Variants in NSD3 observed in about 807,000 individuals in gnomAD.
NSD3 encodes histone-lysine N-methyltransferase NSD3.
In NSD3, 24 loss-of-function variants were observed where a neutral mutation model predicts 160.8. The ratio of observed to expected loss-of-function variants is 0.15; its 90% confidence interval spans 0.11 to 0.21. The LOEUF is 0.21. Among genes scored for constraint, NSD3 ranks in the 10% least tolerant of loss-of-function variants. The pLI, the probability that NSD3 is intolerant of heterozygous loss-of-function variation, is 1.00. For missense variants in NSD3, 1,157 were observed against 1,735.9 expected (o/e 0.67, Z 5.93); for synonymous variants, 520 against 600.0 (o/e 0.87, Z 1.95).
chr8:38,293,813 C>A (rs1309365346), intron 16 of NSD3, among the ~76,000 whole-genome samples: 1 of 146,548 alleles, frequency 6.8e-6, no homozygotes, highest in Non-Finnish European at 1.5e-5. Context: ...ATCCCAGCTA[C>A]TTGGGAGGCT....
At chr8:38,323,293 T>TG (rs1163969100) in intron 7 of NSD3, among the ~76,000 whole-genome samples, 2 of 152,038 alleles carry the variant, frequency 1.3e-5, no homozygotes, top group Non-Finnish European at 2.9e-5. Context: ...CCTGACCTTG[T>TG]GATCCGCCTG....
rs1809694517 is a variant in NSD3, at chr8:38,317,526, GCTGTCATGCTGT to G, written c.1855+1357_1855+1368del. ...GAAAAATGACAGACTGCCAAAGACA[GCTGTCATGCTGT>G]TCTCCATGATAACGGCACTAATATT... On this transcript the variant is annotated intron_variant, in intron 9 of 23. Coordinates refer to ENST00000317025, the MANE Select transcript of NSD3 (RefSeq NM_023034.2). The surrounding 1 kb of genome is among the most constrained non-coding windows in gnomAD (Gnocchi z 5.3). The G allele has an allele frequency of 3.8e-6, 4 of 1,060,742 alleles. No individual in the cohort carries two copies. The highest frequency in any genetic ancestry group is 4.6e-6 in the Non-Finnish European group (4 of 876,470). 65.7% of individuals were successfully genotyped at this position (1,060,742 alleles called of 1,614,324 possible).
At chr8:38,372,655 C>A (rs1165992638) in intron 1 of NSD3, among the ~76,000 whole-genome samples, 1 of 151,434 alleles carries the variant, frequency 6.6e-6, no homozygotes, top group Non-Finnish European at 1.5e-5. Context: ...TGCCACCACG[C>A]CTGGCTAATT....
In NSD3 at chr8:38,275,211, T is replaced by C. The variant is rs934956559; in HGVS notation, c.*430A>G. The C allele has an allele frequency of 3.5e-5, 9 of 257,536 alleles. No homozygotes were observed. Among genetic ancestry groups the C allele is most frequent in the African/African-American group, 1.3e-4 (6 of 45,668 alleles). 16.0% of individuals were successfully genotyped at this position (257,536 alleles called of 1,614,324 possible). On this transcript the variant is annotated 3_prime_UTR_variant, in exon 24 of 24. Transcript: ENST00000317025. The stretch of plus-strand genomic sequence containing the variant: ...AACACACACACACTTGATTAGACTA[T>C]TGAACTACACTTCTTGAAATTCCTA...
At chr8:38,278,059 C>T (rs1446549700) in intron 22 of NSD3, among the ~76,000 whole-genome samples, 2 of 152,034 alleles carry the variant, frequency 1.3e-5, no homozygotes, top group African/African-American at 4.8e-5. Context: ...CTGCCTCAGC[C>T]TCCCGAGTAG....
At position 38,270,250 on chromosome 8, in the gene NSD3, T is replaced by C. The variant is rs3739252; in HGVS notation, c.*5391A>G. On this transcript the variant is annotated 3_prime_UTR_variant, in exon 24 of 24. Coordinates refer to ENST00000317025, the MANE Select transcript of NSD3 (RefSeq NM_023034.2). ...GTCTCAAGTGATTTAGGCAAAGTAATGGTTCACAGGATCTACAAAGTTTAT... is the reference window on the plus strand; with the variant it reads ...GTCTCAAGTGATTTAGGCAAAGTAACGGTTCACAGGATCTACAAAGTTTAT... 0.23 allele frequency: 35,313 copies of C among 152,118 alleles called. 4,332 individuals are homozygous for C. Among genetic ancestry groups the C allele is most frequent in the East Asian group, 0.31 (1,599 of 5,184 alleles). The allele number at this position is 152,118 out of a possible 1,614,324, so 9.4% of individuals were successfully genotyped here.
intron 1 of NSD3, among the ~76,000 whole-genome samples, chr8:38,371,880 T>A (rs564446918): frequency 3.5e-4 from 54 of 152,336 alleles, no homozygotes; most frequent in African/African-American, 1.3e-3. Flanking sequence ...GCTATCCTAA[T>A]CCTCAAAAAT....
chr8:38,345,692 C>T (rs1810502399), intron 2 of NSD3, among the ~76,000 whole-genome samples: 1 of 151,888 alleles, frequency 6.6e-6, no homozygotes, highest in South Asian at 2.1e-4. Context: ...AGGTGGATCA[C>T]CTGAGGTCGG....
chr8:38,335,136 C>A (rs749648907), intron 4 of NSD3, among the ~76,000 whole-genome samples: 4 of 151,910 alleles, frequency 2.6e-5, no homozygotes, highest in Admixed American at 1.3e-4. Flanking sequence ...TAGAGGCATG[C>A]GCCAAAACGC....
chr8:38,366,893 C>T (rs963512813), intron 1 of NSD3, among the ~76,000 whole-genome samples: 5 of 152,160 alleles, frequency 3.3e-5, no homozygotes, highest in African/African-American at 1.2e-4. Context: ...TTGGTCAGTG[C>T]AGATACAGAA....
intron 1 of NSD3, among the ~76,000 whole-genome samples, chr8:38,356,414 C>CA (rs1810825175): frequency 1.3e-5 from 2 of 151,822 alleles, no homozygotes; most frequent in African/African-American, 4.8e-5. Context: ...TTGAAAAAAA[C>CA]AAAAACAGGA....
intron 19 of NSD3, among the ~76,000 whole-genome samples, chr8:38,287,905 C>T (rs958727064): frequency 6.6e-6 from 1 of 152,046 alleles, no homozygotes; most frequent in Admixed American, 6.5e-5. Flanking sequence ...ACCACTGTGC[C>T]CGGCTGATTT....
chr8:38,307,128 A>T (rs569080579), intron 12 of NSD3, among the ~76,000 whole-genome samples: 1,506 of 142,742 alleles, frequency 0.011, 27 homozygotes, highest in Admixed American at 0.034. Flanking sequence ...AAAAAAAAAA[A>T]TAAAATAAAA....
At chr8:38,279,087 G>A (rs945691044) in intron 21 of NSD3, among the ~76,000 whole-genome samples, 1 of 152,218 alleles carries the variant, frequency 6.6e-6, no homozygotes, top group African/African-American at 2.4e-5. Context: ...AGGCTTTTAT[G>A]TCTAATTTGA....
rs1363156825 is a variant in NSD3, at chr8:38,289,530, T to C, written c.3119-25A>G. On this transcript the variant is annotated intron_variant, in intron 17 of 23. Transcript: ENST00000317025. Reference sequence around the variant, plus strand: ...GCTGCCAATAAGATGATACAAAGTATGTAAATACCAAAAACCAAAGGAAAA... The same window carrying C: ...GCTGCCAATAAGATGATACAAAGTACGTAAATACCAAAAACCAAAGGAAAA... 4 of 1,598,774 alleles carry C rather than the reference T, an allele frequency of 2.5e-6. No homozygotes were observed. In the East Asian group the frequency reaches 8.9e-5, roughly 36 times the overall value.
intron 1 of NSD3, among the ~76,000 whole-genome samples, chr8:38,364,855 A>G (rs1811070053): frequency 6.6e-6 from 1 of 152,176 alleles, no homozygotes; most frequent in Non-Finnish European, 1.5e-5. Flanking sequence ...TAATCCAACA[A>G]TTTTTCTAAA....
At chr8:38,379,488 A>T (rs1811485057) in intron 1 of NSD3, among the ~76,000 whole-genome samples, 1 of 152,110 alleles carries the variant, frequency 6.6e-6, no homozygotes, top group Non-Finnish European at 1.5e-5. Context: ...AAGCATGCTG[A>T]ATTTTTTTTT....
In NSD3 at chr8:38,295,916, G is replaced by C. The variant is rs947227448; in HGVS notation, c.2795C>G (p.Ser932Cys). 2 of 1,613,750 alleles carry C rather than the reference G, an allele frequency of 1.2e-6. No homozygotes were observed. Among genetic ancestry groups the C allele is most frequent in the Non-Finnish European group, 1.7e-6 (2 of 1,179,862 alleles). ...TATGCTTAGGCATTCCGGGTGGAAG[G>C]AAGCTGGGCACGATTCACAGCAGAG... ...RLLCCESCPA[S>C]FHPECLSIEM... The change falls in exon 16 of 24, where the codon TCC becomes TGC. Residue 932 changes from serine to cysteine, a missense_variant. Coordinates refer to ENST00000317025, the MANE Select transcript of NSD3 (RefSeq NM_023034.2).
rs1809667668 is a variant in NSD3 at position 38,316,507 on chromosome 8, T to C, written c.1856-465A>G. The C allele has an allele frequency of 9.6e-7, 1 of 1,046,212 alleles. No homozygotes were observed. The highest frequency in any genetic ancestry group is 1.7e-5 in the African/African-American group (1 of 60,008). The allele number at this position is 1,046,212 out of a possible 1,614,324, so 64.8% of individuals were successfully genotyped here. On this transcript the variant is annotated intron_variant, in intron 9 of 23. Coordinates refer to ENST00000317025, the MANE Select transcript of NSD3 (RefSeq NM_023034.2). The surrounding 1 kb of genome is among the most constrained non-coding windows in gnomAD (Gnocchi z 4.5). ...GATTTGTATTCGATTCGTACACGGA[T>C]AGTGCCATTTTCCCCCAAATTTTGC...
Sources: gnomAD v4.1 joint callset for allele counts (sites outside exome capture counted in the v4.1 genomes callset) on GRCh38, gnomAD v4.1.1 for gene constraint, Gnocchi (gnomAD v3.1) non-coding constraint, MANE v1.5 for transcripts, NCBI Gene and HGNC (gene_info 2026-07-23, HGNC 2026-07-21) for gene names.